The following RBFOX2 variants were observed in gnomAD, a reference collection of about 807,000 sequenced individuals.
The protein encoded by RBFOX2 is RNA binding protein fox-1 homolog 2.
RBFOX2 carries 10 observed loss-of-function variants against 49.1 expected under a neutral mutation model. That is an observed-to-expected ratio of 0.20 (90% CI 0.13 to 0.35). The LOEUF (loss-of-function observed/expected upper bound fraction) is 0.35, where lower values mean the gene tolerates loss of function less well. RBFOX2 is among the 10% of genes least tolerant of loss of function. The pLI, the probability that RBFOX2 is intolerant of heterozygous loss-of-function variation, is 1.00. For missense variants in RBFOX2, 323 were observed against 486.9 expected, an observed-to-expected ratio of 0.66 and a Z score of 3.17; for synonymous variants, 183 against 187.4, an observed-to-expected ratio of 0.98 and a Z score of 0.19.
At chr22:36,009,173 T>C (rs1569522466) in intron 1 of RBFOX2, among the ~76,000 whole-genome samples, 2 of 152,226 alleles carry the variant, frequency 1.3e-5, no homozygotes, top group Admixed American at 6.5e-5. Flanking sequence ...GTGTTTGCCA[T>C]GGTCTCTGGC....
At chr22:36,012,081 G>T (rs539726422) in intron 1 of RBFOX2, among the ~76,000 whole-genome samples, 3 of 152,010 alleles carry the variant, frequency 2.0e-5, no homozygotes, top group Non-Finnish European at 4.4e-5. Context: ...ACTTTGAGAT[G>T]AAAAAAAGCC....
intron 9 of RBFOX2, among the ~76,000 whole-genome samples, chr22:35,754,062 C>T (rs995932947): frequency 1.6e-4 from 24 of 151,024 alleles, no homozygotes; most frequent in African/African-American, 2.2e-4. Context: ...CGATTACACA[C>T]GTGAGCGATG....
At chr22:35,871,497 A>C (rs2044349873) in intron 1 of RBFOX2, among the ~76,000 whole-genome samples, 1 of 152,354 alleles carries the variant, frequency 6.6e-6, no homozygotes. Context: ...AGAAACTGGG[A>C]AAAGACTTAT....
At chr22:35,858,649 A>G (rs1269758386) in intron 1 of RBFOX2, among the ~76,000 whole-genome samples, 1 of 152,036 alleles carries the variant, frequency 6.6e-6, no homozygotes, top group East Asian at 1.9e-4. Context: ...AACACGGTGA[A>G]ACCCCAACTC....
exon 1 of RBFOX2, chr22:35,840,345 T>C (rs1569352889): frequency 1.3e-6 from 2 of 1,567,936 alleles, no homozygotes; most frequent in East Asian, 2.3e-5. Flanking sequence ...TCTCTCTTTA[T>C]ACCGTTTTCC....
chr22:35,910,745 C>T (rs977559685), intron 1 of RBFOX2, among the ~76,000 whole-genome samples: 15 of 152,018 alleles, frequency 9.9e-5, no homozygotes, highest in African/African-American at 3.6e-4. Flanking sequence ...TCTGAACTAG[C>T]GGAAAAAAAC....
At chr22:35,845,578 A>T (rs1011360818), upstream of RBFOX2, among the ~76,000 whole-genome samples, 35 of 152,344 alleles carry the variant, frequency 2.3e-4, no homozygotes, top group East Asian at 3.9e-4. Flanking sequence ...TTCACAAATT[A>T]CTACATGTCT....
intron 9 of RBFOX2, chr22:35,747,957 C>G (rs1933399677): frequency 6.6e-6 from 1 of 152,154 alleles, no homozygotes; most frequent in South Asian, 2.1e-4. Context: ...TAAGGGGACC[C>G]CTGTTCTTCT....
Position 35,804,220 on chromosome 22 carries a change from C to G in RBFOX2, c.252+5560G>C, listed in dbSNP as rs555646623. 1.2e-4 allele frequency among the ~76,000 whole-genome samples: 18 copies of G among 151,316 alleles called. No homozygotes were observed. In the South Asian group the frequency reaches 2.5e-3, roughly 21 times the overall value. On this transcript the variant is annotated intron_variant, in intron 2 of 11. Transcript: ENST00000405409. ...TCGAACCTGGGAGGCAGAGGTTGTA[C>G]TGAGCCGAGATTGCACCACTGCACT... is the stretch of plus-strand genomic sequence containing the variant.
At chr22:35,988,445 C>T (rs1414573801) in intron 1 of RBFOX2, among the ~76,000 whole-genome samples, 1 of 152,064 alleles carries the variant, frequency 6.6e-6, no homozygotes, top group East Asian at 1.9e-4. Context: ...GAAATAAATC[C>T]TAAATAGGGA....
chr22:35,966,972 G>A (rs998572627), intron 1 of RBFOX2, among the ~76,000 whole-genome samples: 4 of 149,654 alleles, frequency 2.7e-5, no homozygotes, highest in East Asian at 2.0e-4. Flanking sequence ...GGCATTATGC[G>A]CAGTCAACTT....
At chr22:35,804,920 G>A (rs1449566176) in intron 2 of RBFOX2, among the ~76,000 whole-genome samples, 1 of 152,118 alleles carries the variant, frequency 6.6e-6, no homozygotes, top group African/African-American at 2.4e-5. Context: ...AGACTTATCT[G>A]ATAACGGACT....
At chr22:35,901,469 TA>T (rs1019995601) in intron 1 of RBFOX2, among the ~76,000 whole-genome samples, 2 of 151,612 alleles carry the variant, frequency 1.3e-5, no homozygotes, top group African/African-American at 4.8e-5. Flanking sequence ...GGCAACATAG[TA>T]AAACTCTCAT....
At chr22:35,930,509 T>G (rs2052264655) in intron 1 of RBFOX2, among the ~76,000 whole-genome samples, 1 of 151,996 alleles carries the variant, frequency 6.6e-6, no homozygotes, top group Non-Finnish European at 1.5e-5. Flanking sequence ...AAAAATGGCT[T>G]TATTAGAAGG....
chr22:35,975,721 A>C (rs5756022), intron 1 of RBFOX2, among the ~76,000 whole-genome samples: 12,733 of 152,182 alleles, frequency 0.084, 550 homozygotes, highest in African/African-American at 0.1. Flanking sequence ...AGAAAAAAAA[A>C]AAATCAAATT....
chr22:35,790,294 T>C (rs1947342135), intron 2 of RBFOX2, among the ~76,000 whole-genome samples: 1 of 152,200 alleles, frequency 6.6e-6, no homozygotes, highest in Admixed American at 6.5e-5. Context: ...GCCTACGTTA[T>C]AGTCATTCTC....
rs192742973 is a variant in RBFOX2 at position 35,857,032 on chromosome 22, C to T, written c.-33-47028G>A. On this transcript the variant is annotated intron_variant, in intron 1 of 13. Transcript: ENST00000359369. ...GGGTGACAGAGCGAGACTCCGTCTC[C>T]AAAAGGAAAAAAAGAGAAAGAAATA... is the stretch of plus-strand genomic sequence containing the variant. Among the ~76,000 whole-genome samples the T allele has an allele frequency of 3.4e-4, 51 of 151,886 alleles. No individual in the cohort carries two copies. In the East Asian group the frequency reaches 5.4e-3, roughly 16 times the overall value.
intron 1 of RBFOX2, among the ~76,000 whole-genome samples, chr22:35,934,094 G>A (rs529971414): frequency 1.3e-5 from 2 of 151,162 alleles, no homozygotes; most frequent in African/African-American, 2.4e-5. Flanking sequence ...GGCAAGAAGG[G>A]AAAACCATAC....
chr22:35,769,682 A>C (rs1285019965), intron 4 of RBFOX2, among the ~76,000 whole-genome samples: 1 of 152,090 alleles, frequency 6.6e-6, no homozygotes, highest in Non-Finnish European at 1.5e-5. Context: ...AGAACCCTTT[A>C]ATTTTAACTG....
Sources: gnomAD v4.1 joint callset for allele counts (sites outside exome capture counted in the v4.1 genomes callset) on GRCh38, gnomAD v4.1.1 for gene constraint, MANE v1.5 for transcripts, NCBI Gene and HGNC (gene_info 2026-07-23, HGNC 2026-07-21) for gene names.